Variants in AKR1C3 observed in about 807,000 individuals in gnomAD.
AKR1C3 encodes aldo-keto reductase family 1 member C3, also known as 3-alpha hydroxysteroid dehydrogenase, type II.
Under a neutral mutation model 43.6 loss-of-function variants are expected in AKR1C3, and 48 were observed. That is an observed-to-expected ratio of 1.10 (90% CI 0.87 to 1.40). The LOEUF is 1.40. AKR1C3 is among the 40% of genes most tolerant of loss of function. AKR1C3 has a pLI of 0.00. For synonymous variants in AKR1C3, 162 were observed against 139.6 expected, an observed-to-expected ratio of 1.16 and a Z score of -1.13; for missense variants, 482 against 391.2, an observed-to-expected ratio of 1.23 and a Z score of -1.96.
At chr10:5,105,939 C>T (rs900718657) in intron 8 of AKR1C3, among the ~76,000 whole-genome samples, 11 of 152,202 alleles carry the variant, frequency 7.2e-5, no homozygotes, top group South Asian at 2.1e-4. Context: ...CAAGTCTGCA[C>T]GTTCCATATA....
At chr10:5,060,533 A>G (rs1252791203) in intron 1 of AKR1C3, among the ~76,000 whole-genome samples, 3 of 152,174 alleles carry the variant, frequency 2.0e-5, no homozygotes, top group African/African-American at 7.2e-5. Flanking sequence ...CTCGAGCTAG[A>G]TACAGAGTGC....
At chr10:5,096,605 C>T in intron 2 of AKR1C3, 28 bp downstream of exon 2, 1 of 1,602,924 alleles carries the variant, frequency 6.2e-7, no homozygotes, top group East Asian at 2.2e-5. Flanking sequence ...AGCTTGTGTG[C>T]ACATGTATTT....
At chr10:5,089,563 T>G (rs781860823), upstream of AKR1C3, among the ~76,000 whole-genome samples, 4 of 152,146 alleles carry the variant, frequency 2.6e-5, no homozygotes, top group Non-Finnish European at 5.9e-5. Context: ...ATTTTAAAAT[T>G]CCTTCAGTGA....
chr10:5,059,824 C>T lies in AKR1C3; in HGVS notation c.84+10929C>T, dbSNP rs191722725. On this transcript the variant is annotated intron_variant, in intron 1 of 8. Coordinates refer to the AKR1C3 transcript ENST00000439082. ...TCACCCCTTGGCAATAGGTGATGGT[C>T]CCTTCGTGGTCGCCAAAATGTGTCC... is the stretch of plus-strand genomic sequence containing the variant. Among the ~76,000 whole-genome samples, 967 of 152,286 alleles carry T rather than the reference C, an allele frequency of 6.3e-3. 40 individuals carry two copies. Among genetic ancestry groups the T allele is most frequent in the Non-Finnish European group, 2.1e-3 (144 of 68,036 alleles).
intron 1 of AKR1C3, among the ~76,000 whole-genome samples, chr10:5,053,108 C>T (rs1360689358): frequency 1.3e-5 from 2 of 152,258 alleles, no homozygotes; most frequent in African/African-American, 4.8e-5. Flanking sequence ...GCTGGGACCG[C>T]AGGTGGAGCT....
chr10:5,089,094 G>T (rs1161796193), intron 1 of AKR1C3, among the ~76,000 whole-genome samples: 2 of 151,902 alleles, frequency 1.3e-5, no homozygotes, highest in African/African-American at 4.8e-5. Flanking sequence ...CGACTTTTAG[G>T]TTTTCTGCTG....
At chr10:5,106,235 G>T (rs781866644) in intron 8 of AKR1C3, among the ~76,000 whole-genome samples, 4 of 152,092 alleles carry the variant, frequency 2.6e-5, no homozygotes, top group South Asian at 2.1e-4. Context: ...CCTCCAGAAA[G>T]CCTTCCTTAG....
At chr10:5,073,637 G>C (rs1425827062) in intron 1 of AKR1C3, among the ~76,000 whole-genome samples, 1 of 152,120 alleles carries the variant, frequency 6.6e-6, no homozygotes, top group Non-Finnish European at 1.5e-5. Context: ...CTTCTCAAGA[G>C]GGCCAAGGGC....
intron 5 of AKR1C3, among the ~76,000 whole-genome samples, chr10:5,100,198 G>A (rs530030104): frequency 6.6e-6 from 1 of 152,312 alleles, no homozygotes; most frequent in South Asian, 2.1e-4. Flanking sequence ...GGAGGCTGAG[G>A]CAGGAGAATC....
chr10:5,076,023 A>G (rs539003016), intron 1 of AKR1C3, among the ~76,000 whole-genome samples: 1 of 152,168 alleles, frequency 6.6e-6, no homozygotes, highest in African/African-American at 2.4e-5. Flanking sequence ...CAGTTGTTTC[A>G]CCCTTTATTT....
chr10:5,076,082 A>C (rs555458462), intron 1 of AKR1C3, among the ~76,000 whole-genome samples: 1 of 152,162 alleles, frequency 6.6e-6, no homozygotes, highest in African/African-American at 2.4e-5. Flanking sequence ...CTTGCATTTA[A>C]GCCTGTTTTT....
At chr10:5,100,688 T>C (rs1554785820) in intron 5 of AKR1C3, among the ~76,000 whole-genome samples, 1 of 152,220 alleles carries the variant, frequency 6.6e-6, no homozygotes, top group East Asian at 1.9e-4. Context: ...TGTATAAAAT[T>C]TGTGAATTTG....
At chr10:5,067,850 A>T (rs775592169) in intron 1 of AKR1C3, among the ~76,000 whole-genome samples, 58 of 152,138 alleles carry the variant, frequency 3.8e-4, no homozygotes, top group Non-Finnish European at 5.6e-4. Context: ...TAAATGCTTT[A>T]AGGACTCAGG....
chr10:5,107,395 AATCACTTTAC>A lies in AKR1C3; in HGVS notation c.930-65_930-56del, dbSNP rs1487787416. 5 of 1,167,978 alleles carry A rather than the reference AATCACTTTAC, an allele frequency of 4.3e-6. No individual in the cohort carries two copies. The African/African-American group carries it at 7.7e-5, about 18-fold the overall frequency. 72.4% of individuals were successfully genotyped at this position (1,167,978 alleles called of 1,614,324 possible). A position where few individuals can be genotyped will look rare whatever the true frequency, so the allele number is the denominator to read the frequency against. On this transcript the variant is annotated intron_variant, in intron 8 of 8. Transcript: ENST00000380554. ...TTCATACTAATGACAGCTTCATTGA[AATCACTTTAC>A]TACTCCCCTAGTAATGGAGTCATTG...
At position 5,059,580 on chromosome 10, in the gene AKR1C3, A is replaced by G. The variant is rs1256149149; in HGVS notation, c.84+10685A>G. Reference sequence around the variant, plus strand: ...CAACTCCGAAGAGTCGGGGGTTGTTAGCCCTTTCCCAGAAAGCCTGACACC... The same window carrying G: ...CAACTCCGAAGAGTCGGGGGTTGTTGGCCCTTTCCCAGAAAGCCTGACACC... On this transcript the variant is annotated intron_variant, in intron 1 of 8. Transcript: ENST00000439082. Among the ~76,000 whole-genome samples, 8 of 152,208 alleles carry G rather than the reference A, an allele frequency of 5.3e-5. No individual in the cohort carries two copies. The East Asian group carries it at 1.5e-3, about 29-fold the overall frequency.
intron 1 of AKR1C3, among the ~76,000 whole-genome samples, chr10:5,058,213 G>A (rs1162325840): frequency 6.6e-6 from 1 of 152,204 alleles, no homozygotes; most frequent in African/African-American, 2.4e-5. Context: ...AGGTCCTCCT[G>A]TGGGATGTAA....
intron 7 of AKR1C3, among the ~76,000 whole-genome samples, chr10:5,104,043 G>A (rs1221559195): frequency 6.6e-6 from 1 of 152,044 alleles, no homozygotes; most frequent in Non-Finnish European, 1.5e-5. Context: ...TATTATTGAA[G>A]TACCACCTCC....
At chr10:5,048,929 A>G in intron 1 of AKR1C3, 1 of 1,573,580 alleles carries the variant, frequency 6.4e-7, no homozygotes, top group Non-Finnish European at 8.7e-7. Context: ...GAGAGTTGAA[A>G]AGAGCAAAGC....
At chr10:5,056,875 G>T (rs966477308) in intron 1 of AKR1C3, among the ~76,000 whole-genome samples, 4 of 152,206 alleles carry the variant, frequency 2.6e-5, no homozygotes, top group Non-Finnish European at 5.9e-5. Flanking sequence ...AATACCTGGT[G>T]CCAGGCTGTC....
Sources: allele counts gnomAD v4.1 joint callset (sites outside exome capture counted in the v4.1 genomes callset), GRCh38; gene constraint gnomAD v4.1.1; transcripts MANE v1.5; gene names NCBI Gene and HGNC (gene_info 2026-07-23, HGNC 2026-07-21).